CYRIB: variants seen among roughly 807,000 people sequenced by gnomAD.
CYRIB encodes the protein CYFIP-related Rac1 interactor B.
A neutral mutation model predicts 44.2 loss-of-function variants in CYRIB; 8 were observed. The observed-to-expected ratio is 0.18, with a 90% CI of 0.11 to 0.33. The LOEUF (loss-of-function observed/expected upper bound fraction) is 0.33, where lower values mean the gene tolerates loss of function less well. Among genes scored for constraint, CYRIB ranks in the 10% least tolerant of loss-of-function variants. The pLI is 1.00. For synonymous variants in CYRIB, 131 were observed against 127.2 expected (o/e 1.03, Z -0.20); for missense variants, 185 against 382.8 (o/e 0.48, Z 4.31).
At chr8:129,912,852 C>T (rs2078745234) in intron 1 of CYRIB, among the ~76,000 whole-genome samples, 1 of 151,638 alleles carries the variant, frequency 6.6e-6, no homozygotes, top group African/African-American at 2.4e-5. Flanking sequence ...TTTACGGTGA[C>T]AGAAAACAAG....
At chr8:130,006,502 TG>T (rs936334242) in intron 1 of CYRIB, among the ~76,000 whole-genome samples, 4 of 137,728 alleles carry the variant, frequency 2.9e-5, no homozygotes, top group Non-Finnish European at 6.2e-5. Flanking sequence ...TTTATTTATT[TG>T]GGAGGCCGAG....
chr8:129,937,877 C>G (rs192269410), intron 1 of CYRIB, among the ~76,000 whole-genome samples: 1 of 151,490 alleles, frequency 6.6e-6, no homozygotes, highest in Non-Finnish European at 1.5e-5. Context: ...TCTGCAAATA[C>G]ACATTCTCTC....
chr8:129,895,446 C>T lies in CYRIB; in HGVS notation c.-11+7866G>A, dbSNP rs964783708. On this transcript the variant is annotated intron_variant, in intron 2 of 11. Coordinates refer to ENST00000519824, the Ensembl canonical transcript of CYRIB. ...TTTTCATTTTTCTTCATGGTCTGTG[C>T]TTACTGTTTAAATAATAATTCTTCA... Among the ~76,000 whole-genome samples, 5 of 111,078 alleles carry T rather than the reference C, an allele frequency of 4.5e-5. No homozygotes were observed. In the East Asian group the frequency reaches 1.0e-3, roughly 22 times the overall value. The allele number at this position is 111,078 out of a possible 152,430, so 72.9% of individuals were successfully genotyped here. A position where few individuals can be genotyped will look rare whatever the true frequency, so the allele number is the denominator to read the frequency against.
rs189990990 is a variant in CYRIB at position 129,848,695 on chromosome 8, C to A, written c.840+548G>T. On this transcript the variant is annotated intron_variant, in intron 10 of 11. Transcript: ENST00000519824. Reference sequence around the variant, plus strand: ...GGATCCTCCCACTTCAGCCTCTCAACGTAGCTGTGACTACCGATGTGTGCC... The same window carrying A: ...GGATCCTCCCACTTCAGCCTCTCAAAGTAGCTGTGACTACCGATGTGTGCC... Among the ~76,000 whole-genome samples, 1,098 of 151,732 alleles carry A rather than the reference C, an allele frequency of 7.2e-3. 5 individuals carry two copies. Among genetic ancestry groups the A allele is most frequent in the Non-Finnish European group, 0.011 (768 of 67,892 alleles).
intron 4 of CYRIB, among the ~76,000 whole-genome samples, chr8:129,867,976 A>T (rs1359538442): frequency 6.6e-6 from 1 of 152,212 alleles, no homozygotes; most frequent in Non-Finnish European, 1.5e-5. Flanking sequence ...TCACAAACCA[A>T]CCAAAACTTC....
intron 3 of CYRIB, among the ~76,000 whole-genome samples, chr8:129,873,655 G>A (rs1389313314): frequency 6.6e-6 from 1 of 152,002 alleles, no homozygotes; most frequent in Non-Finnish European, 1.5e-5. Context: ...AGGTATCTGT[G>A]AAGTTTGAAA....
chr8:129,842,581 T>A (rs965315894), intron 11 of CYRIB, among the ~76,000 whole-genome samples: 4 of 152,230 alleles, frequency 2.6e-5, no homozygotes, highest in Non-Finnish European at 4.4e-5. Context: ...TGTGAGCTAA[T>A]TCTATTTTTT....
chr8:129,930,083 T>C (rs993609483), intron 1 of CYRIB, among the ~76,000 whole-genome samples: 6 of 151,636 alleles, frequency 4.0e-5, no homozygotes, highest in African/African-American at 1.2e-4. Context: ...TGGTGGCGCA[T>C]GCCTGTAATC....
At chr8:129,948,145 T>C (rs145449818) in intron 2 of CYRIB, among the ~76,000 whole-genome samples, 2 of 152,330 alleles carry the variant, frequency 1.3e-5, no homozygotes, top group Non-Finnish European at 2.9e-5. Context: ...GAAAAGCTGA[T>C]GTATGACGAA....
intron 2 of CYRIB, among the ~76,000 whole-genome samples, chr8:129,962,248 A>G (rs1564445516): frequency 6.6e-6 from 1 of 152,068 alleles, no homozygotes; most frequent in African/African-American, 2.4e-5. Flanking sequence ...TGTTTAAAAA[A>G]AAAGAAAGAA....
chr8:129,906,175 G>A (rs2075273502), intron 1 of CYRIB, among the ~76,000 whole-genome samples: 1 of 152,100 alleles, frequency 6.6e-6, no homozygotes, highest in Non-Finnish European at 1.5e-5. Flanking sequence ...CAAAGCTGGA[G>A]GCATCACACT....
rs149522562 is a variant in CYRIB at position 129,919,553 on chromosome 8, G to T, written c.-49-16203C>A. On this transcript the variant is annotated intron_variant, in intron 1 of 11. Transcript: ENST00000519824. ...GAGTTCTGTGGTTAAACTGCTATGG[G>T]AAAACAGATGAGGGAGTAATTTCAT... Among the ~76,000 whole-genome samples, 56 of 152,188 alleles carry T rather than the reference G, an allele frequency of 3.7e-4. 1 individual carries two copies. Among genetic ancestry groups the T allele is most frequent in the African/African-American group, 1.3e-3 (55 of 41,528 alleles).
At chr8:129,932,607 A>T (rs2091848735) in intron 1 of CYRIB, among the ~76,000 whole-genome samples, 1 of 152,212 alleles carries the variant, frequency 6.6e-6, no homozygotes, top group Non-Finnish European at 1.5e-5. Context: ...TCTGCCCTTG[A>T]TCTTTAACAC....
rs2133846838 is a variant in CYRIB, at chr8:129,878,629, A to G, written c.73+760T>C. Among the ~76,000 whole-genome samples the G allele has an allele frequency of 2.0e-5, 3 of 152,320 alleles. No homozygotes were observed. The East Asian group carries it at 5.8e-4, about 29-fold the overall frequency. ...AAACACCAATTTAATAATTCTTCTC[A>G]ATTTAACAACCAGACAAGCTAAAGC... On this transcript the variant is annotated intron_variant, in intron 3 of 11. Coordinates refer to ENST00000519824, the Ensembl canonical transcript of CYRIB.
intron 1 of CYRIB, among the ~76,000 whole-genome samples, chr8:130,007,195 C>T (rs940706840): frequency 3.9e-5 from 6 of 152,098 alleles, no homozygotes; most frequent in African/African-American, 1.2e-4. Flanking sequence ...CTGAGATGCC[C>T]GCCGTTATGA....
At chr8:129,992,861 C>T (rs1446956253) in intron 1 of CYRIB, among the ~76,000 whole-genome samples, 1 of 152,112 alleles carries the variant, frequency 6.6e-6, no homozygotes, top group Non-Finnish European at 1.5e-5. Context: ...TGTGGGCTGG[C>T]GACAGCTGCT....
At chr8:129,995,630 T>C (rs961869330) in intron 1 of CYRIB, among the ~76,000 whole-genome samples, 5 of 152,208 alleles carry the variant, frequency 3.3e-5, no homozygotes, top group Non-Finnish European at 7.3e-5. Flanking sequence ...AAGGCTTCAC[T>C]GGGGATGGCA....
chr8:129,887,518 G>T (rs78618147), intron 2 of CYRIB, among the ~76,000 whole-genome samples: 1 of 152,196 alleles, frequency 6.6e-6, no homozygotes, highest in African/African-American at 2.4e-5. Context: ...ACATAGCTGC[G>T]AGAAGGGGGC....
chr8:129,907,287 G>C (rs2075896415), intron 1 of CYRIB, among the ~76,000 whole-genome samples: 2 of 152,200 alleles, frequency 1.3e-5, no homozygotes, highest in Non-Finnish European at 2.9e-5. Flanking sequence ...ATGAGTTTAG[G>C]TCCTTTGTAG....
Sources: gnomAD v4.1 joint callset for allele counts (sites outside exome capture counted in the v4.1 genomes callset) on GRCh38, gnomAD v4.1.1 for gene constraint, MANE v1.5 for transcripts, NCBI Gene and HGNC (gene_info 2026-07-23, HGNC 2026-07-21) for gene names.